Variants in PSD3 observed in about 807,000 individuals in gnomAD.
PSD3 encodes pleckstrin and Sec7 domain containing 3, also known as PH and SEC7 domain-containing protein 3.
PSD3 carries 49 observed loss-of-function variants against 105.5 expected under a neutral mutation model. The observed-to-expected ratio is 0.46, with a 90% confidence interval of 0.37 to 0.59. The LOEUF is 0.59. PSD3 is among the 20% of genes least tolerant of loss of function. The pLI is 0.00. For missense variants in PSD3, 1,561 were observed against 1,263.8 expected (o/e 1.24, Z -3.57); for synonymous variants, 557 against 457.8 (o/e 1.22, Z -2.77).
rs546688389 is a variant in PSD3, at chr8:18,742,873, G to C, written c.2172+22576C>G. On this transcript the variant is annotated intron_variant, in intron 9 of 15. Coordinates refer to ENST00000327040, the MANE Select transcript of PSD3 (RefSeq NM_015310.4). ...TTTCACAACCTAGGATTATACACTA[G>C]AGTAATTAGTTAATCTTCCAAGTTA... Among the ~76,000 whole-genome samples, 8 of 152,264 alleles carry C rather than the reference G, an allele frequency of 5.3e-5. No homozygotes were observed. In the East Asian group the frequency reaches 5.8e-4, roughly 11 times the overall value.
At chr8:19,037,247 C>G (rs1046888992) in intron 1 of PSD3, among the ~76,000 whole-genome samples, 5 of 152,182 alleles carry the variant, frequency 3.3e-5, no homozygotes, top group African/African-American at 1.2e-4. Context: ...TGCAAGATGC[C>G]GAGAGCCACC....
chr8:18,623,901 C>T (rs184023548), intron 11 of PSD3, among the ~76,000 whole-genome samples: 212 of 152,204 alleles, frequency 1.4e-3, no homozygotes, highest in African/African-American at 4.6e-3. Context: ...TGTTATCTTA[C>T]GTGCAGATTC....
At chr8:18,686,503 G>T (rs1177151891) in intron 9 of PSD3, among the ~76,000 whole-genome samples, 1 of 152,168 alleles carries the variant, frequency 6.6e-6, no homozygotes, top group African/African-American at 2.4e-5. Flanking sequence ...TGCAGAACAC[G>T]TATTTCTACG....
intron 1 of PSD3, among the ~76,000 whole-genome samples, chr8:19,073,339 T>A (rs370691730): frequency 6.6e-6 from 1 of 151,774 alleles, no homozygotes; most frequent in African/African-American, 2.4e-5. Context: ...TCACTTGGGG[T>A]TGGGAGTTTG....
chr8:18,832,279 C>A (rs1476057820), intron 4 of PSD3, among the ~76,000 whole-genome samples: 1 of 152,090 alleles, frequency 6.6e-6, no homozygotes, highest in South Asian at 2.1e-4. Context: ...TCTTGCTTCA[C>A]GTCCAAGGAT....
intron 8 of PSD3, among the ~76,000 whole-genome samples, chr8:18,792,269 T>G (rs910716401): frequency 6.6e-6 from 1 of 152,220 alleles, no homozygotes; most frequent in Non-Finnish European, 1.5e-5. Context: ...TGCATGCATA[T>G]GTTAATTGCA....
intron 9 of PSD3, among the ~76,000 whole-genome samples, chr8:18,762,481 T>C (rs1247291311): frequency 1.3e-5 from 2 of 152,202 alleles, no homozygotes; most frequent in African/African-American, 2.4e-5. Flanking sequence ...AATGGACTAA[T>C]ACACCATCTC....
intron 1 of PSD3, among the ~76,000 whole-genome samples, chr8:19,056,456 G>C (rs988226936): frequency 6.6e-6 from 1 of 152,200 alleles, no homozygotes; most frequent in African/African-American, 2.4e-5. Flanking sequence ...GGAAAGCATG[G>C]ACAAATTCCA....
intron 5 of PSD3, 50 bp from the exon 6 acceptor site, chr8:18,804,652 A>G (rs765380034): frequency 6.2e-7 from 1 of 1,611,366 alleles, no homozygotes; most frequent in South Asian, 1.1e-5. Context: ...ACTATTTAAA[A>G]CACACACAAA....
chr8:18,785,908 T>C (rs1247082804), intron 8 of PSD3, among the ~76,000 whole-genome samples: 1 of 152,184 alleles, frequency 6.6e-6, no homozygotes, highest in Non-Finnish European at 1.5e-5. Flanking sequence ...AAGTCTGCTG[T>C]CTTATATGGG....
intron 12 of PSD3, among the ~76,000 whole-genome samples, chr8:18,588,502 C>G (rs925789737): frequency 7.2e-5 from 11 of 152,148 alleles, no homozygotes; most frequent in Non-Finnish European, 1.6e-4. Context: ...TACAGCTATG[C>G]TAGCATTCTT....
intron 1 of PSD3, among the ~76,000 whole-genome samples, chr8:19,031,930 A>G (rs1202263347): frequency 6.6e-6 from 1 of 152,206 alleles, no homozygotes; most frequent in Admixed American, 6.6e-5. Context: ...AAACATCATA[A>G]TATTTTACTT....
intron 1 of PSD3, among the ~76,000 whole-genome samples, chr8:19,077,327 A>G (rs975412771): frequency 1.3e-5 from 2 of 152,236 alleles, no homozygotes; most frequent in Non-Finnish European, 2.9e-5. Context: ...TTGAAAGGTT[A>G]ATGCAAAATC....
intron 8 of PSD3, among the ~76,000 whole-genome samples, chr8:18,782,131 G>A (rs1808694464): frequency 1.3e-5 from 2 of 151,930 alleles, no homozygotes; most frequent in South Asian, 2.1e-4. Context: ...TGGGTTTTCA[G>A]AAATATTTTG....
intron 9 of PSD3, among the ~76,000 whole-genome samples, chr8:18,678,761 G>GA (rs1291720932): frequency 1.8e-4 from 28 of 152,106 alleles, no homozygotes; most frequent in Middle Eastern, 6.8e-3. Flanking sequence ...GCGGTGAGCC[G>GA]AGATTGTGCC....
chr8:18,785,732 A>T (rs2129445724), intron 8 of PSD3, among the ~76,000 whole-genome samples: 1 of 152,276 alleles, frequency 6.6e-6, no homozygotes, highest in East Asian at 1.9e-4. Flanking sequence ...TCAAAGCGAG[A>T]CGTATGAAAC....
intron 9 of PSD3, chr8:18,730,283 A>C (rs1254997375): frequency 6.6e-6 from 1 of 152,188 alleles, no homozygotes; most frequent in Non-Finnish European, 1.5e-5. Flanking sequence ...AATCATCAAC[A>C]CTGCTACCAA....
intron 9 of PSD3, among the ~76,000 whole-genome samples, chr8:18,667,829 C>G (rs527756087): frequency 7.9e-5 from 12 of 152,308 alleles, no homozygotes; most frequent in African/African-American, 2.9e-4. Context: ...CCCTGCCCCG[C>G]AGGGAGGCAG....
chr8:18,636,763 T>C (rs531410619), intron 10 of PSD3, among the ~76,000 whole-genome samples: 2 of 152,358 alleles, frequency 1.3e-5, no homozygotes, highest in African/African-American at 4.8e-5. Context: ...CCTATAGTAT[T>C]TGGCACAGTA....
Sources: allele counts gnomAD v4.1 joint callset (sites outside exome capture counted in the v4.1 genomes callset), GRCh38; gene constraint gnomAD v4.1.1; transcripts MANE v1.5; gene names NCBI Gene and HGNC (gene_info 2026-07-23, HGNC 2026-07-21).